The following ACSL6 variants were observed in gnomAD, a reference collection of about 807,000 sequenced individuals.
ACSL6 encodes acyl-CoA synthetase long chain family member 6.
ACSL6 carries 47 observed loss-of-function variants against 98.2 expected under a neutral mutation model. The ratio of observed to expected loss-of-function variants is 0.48; its 90% CI spans 0.38 to 0.61. The LOEUF (loss-of-function observed/expected upper bound fraction) is 0.61. Ranked by LOEUF, ACSL6 falls within the 20% of genes least tolerant of loss-of-function variation. ACSL6 has a pLI of 0.00. For synonymous variants in ACSL6, 362 were observed against 336.9 expected (o/e 1.07, Z -0.82); for missense variants, 761 against 913.4 (o/e 0.83, Z 2.15).
chr5:131,986,945 G>A (rs10059315), intron 7 of ACSL6, 91 bp from the exon 8 acceptor site: 56,754 of 1,313,502 alleles, frequency 0.043, 4,037 homozygotes, highest in African/African-American at 0.32. Context: ...TCTCACACAC[G>A]CACATACACA....
intron 1 of ACSL6, among the ~76,000 whole-genome samples, chr5:132,002,718 G>C (rs1397154779): frequency 6.6e-6 from 1 of 152,188 alleles, no homozygotes; most frequent in Non-Finnish European, 1.5e-5. Context: ...GGACAGAAGT[G>C]GGTTGGTAAG....
At chr5:131,956,703 T>TC (rs2149680155) in intron 20 of ACSL6, among the ~76,000 whole-genome samples, 1 of 152,370 alleles carries the variant, frequency 6.6e-6, no homozygotes, top group African/African-American at 2.4e-5. Context: ...TAGTTTTTTT[T>TC]AGAAGTGAAT....
chr5:131,960,774 A>T, intron 18 of ACSL6, 153 bp from the exon 19 acceptor site: 1 of 579,780 alleles, frequency 1.7e-6, no homozygotes, highest in Admixed American at 3.4e-5. Flanking sequence ...CTTTCTGCCA[A>T]TATATCATAC....
chr5:132,004,773 C>T (rs1237245407), intron 1 of ACSL6, among the ~76,000 whole-genome samples: 3 of 152,146 alleles, frequency 2.0e-5, no homozygotes, highest in African/African-American at 7.2e-5. Flanking sequence ...GGGGGAAGGC[C>T]CAACCTCCAT....
intron 1 of ACSL6, among the ~76,000 whole-genome samples, chr5:132,010,079 A>G (rs1561817291): frequency 6.6e-6 from 1 of 152,164 alleles, no homozygotes; most frequent in African/African-American, 2.4e-5. Context: ...CTCCAACCCC[A>G]GCTCTAGCCC....
At chr5:131,956,741 TATA>T (rs1752428371) in intron 20 of ACSL6, among the ~76,000 whole-genome samples, 1 of 152,216 alleles carries the variant, frequency 6.6e-6, no homozygotes, top group Non-Finnish European at 1.5e-5. Flanking sequence ...GTTCATTTTT[TATA>T]ATAATTATTT....
rs1290766355 is a variant in ACSL6 at position 131,950,868 on chromosome 5, C to G, written c.*3366G>C. On this transcript the variant is annotated 3_prime_UTR_variant, in exon 21 of 21. Coordinates refer to ENST00000651883, the MANE Select transcript of ACSL6 (RefSeq NM_001009185.3). ...ATGGAAAGTTCTATTTTTTCTCATA[C>G]TTGTAGTTTTAACTACATGTAGAAT... The G allele has an allele frequency of 5.3e-6, 1 of 188,480 alleles. No individual in the cohort carries two copies. The highest frequency in any genetic ancestry group is 1.1e-5 in the Non-Finnish European group (1 of 89,620). 11.7% of individuals were successfully genotyped at this position (188,480 alleles called of 1,614,324 possible).
intron 5 of ACSL6, 128 bp downstream of exon 5, chr5:131,989,279 G>T: frequency 1.1e-6 from 1 of 893,426 alleles, no homozygotes; most frequent in Non-Finnish European, 1.7e-6. Context: ...GAGGAGTGGT[G>T]GCATAGCCCA....
At chr5:131,991,118 A>C (rs906158144) in intron 2 of ACSL6, 151 bp from the exon 3 acceptor site, 51 of 663,662 alleles carry the variant, frequency 7.7e-5, no homozygotes, top group Non-Finnish European at 1.2e-4. Context: ...GTACACATGG[A>C]CTACACACAC....
In ACSL6 at chr5:132,004,647, G is replaced by A. The variant is rs115130787; in HGVS notation, c.49+6858C>T. On this transcript the variant is annotated intron_variant, in intron 1 of 20. Transcript: ENST00000651883. ...GCAGAAGCAGGAGACAGAGGAGACA[G>A]GACACTTCAGAATGACCTAGAAAAG... Among the ~76,000 whole-genome samples the A allele has an allele frequency of 3.1e-3, 477 of 152,286 alleles. 4 individuals are homozygous for A. Among genetic ancestry groups the A allele is most frequent in the African/African-American group, 0.011 (455 of 41,548 alleles).
At chr5:132,012,050 T>A, upstream of ACSL6, 1 of 1,294,330 alleles carries the variant, frequency 7.7e-7, no homozygotes, top group Non-Finnish European at 1.0e-6. Flanking sequence ...CTGGGTTTTA[T>A]GGCTGGGCAG....
intron 10 of ACSL6, chr5:131,975,213 C>T (rs1020011085): frequency 1.8e-5 from 25 of 1,369,548 alleles, no homozygotes; most frequent in Non-Finnish European, 2.1e-5. Context: ...GCATAGGAAG[C>T]GGAGTGTTAG....
rs377717402 is a variant in ACSL6 at position 131,997,653 on chromosome 5, C to A, written c.50-3402G>T. ...TCAAGAACTCACCATCTTCTCCTGG[C>A]TGAGTCCTTCTCCTCCTACCTGGGG... On this transcript the variant is annotated intron_variant, in intron 1 of 20. Transcript: ENST00000651883. 2.4e-4 allele frequency among the ~76,000 whole-genome samples: 37 copies of A among 152,364 alleles called. 2 individuals carry two copies. The South Asian group carries it at 7.0e-3, about 29-fold the overall frequency.
intron 1 of ACSL6, among the ~76,000 whole-genome samples, chr5:132,008,353 G>A (rs1034367011): frequency 1.3e-5 from 2 of 152,214 alleles, no homozygotes; most frequent in Admixed American, 1.3e-4. Context: ...GGCATCTATA[G>A]CCAGGAGCAT....
In ACSL6 at chr5:131,985,412, G is replaced by A. The variant is rs763258364; in HGVS notation, c.911C>T (p.Thr304Met). The A allele has an allele frequency of 6.2e-6, 10 of 1,613,934 alleles. No individual in the cohort carries two copies. The highest frequency in any genetic ancestry group is 8.5e-6 in the Non-Finnish European group (10 of 1,180,030). Residue 304 changes from threonine (T) to methionine (M), a missense_variant, in exon 9 of 21, where the codon ACG becomes ATG. Physicochemically the swap from Thr to Met is moderately conservative, Grantham distance 81. Transcript: ENST00000651883. ...DLSIVCFTSG[T>M]TGNPKGAMLT... ...ATCTGCGTGCCTCTGCTTACCTGTC[G>A]TGCCGCTTGTGAAACACACAATGGA...
At chr5:132,010,028 C>T (rs1042143477) in intron 1 of ACSL6, among the ~76,000 whole-genome samples, 12 of 152,162 alleles carry the variant, frequency 7.9e-5, no homozygotes, top group African/African-American at 2.4e-4. Context: ...GTGGCTGTTA[C>T]GACCACCATC....
chr5:132,011,376 T>C lies in ACSL6; in HGVS notation c.49+129A>G, dbSNP rs1755717686. 2 of 1,058,218 alleles carry C rather than the reference T, an allele frequency of 1.9e-6. No homozygotes were observed. The highest frequency in any genetic ancestry group is 5.5e-5 in the East Asian group (2 of 36,418). The allele number at this position is 1,058,218 out of a possible 1,614,324, so 65.6% of individuals were successfully genotyped here. A position where few individuals can be genotyped will look rare whatever the true frequency, so the allele number is the denominator to read the frequency against. On this transcript the variant is annotated intron_variant, in intron 1 of 20. Coordinates refer to ENST00000651883, the MANE Select transcript of ACSL6 (RefSeq NM_001009185.3). The surrounding 1 kb of genome is among the most constrained non-coding windows in gnomAD (Gnocchi z 5.4). ...TGTACTTAGGCGGCCCTGGGGACCTTGACGGGACAGCTCAGCAGCAGGGGA... is the reference window on the plus strand; with the variant it reads ...TGTACTTAGGCGGCCCTGGGGACCTCGACGGGACAGCTCAGCAGCAGGGGA...
Position 131,973,159 on chromosome 5 carries a change from G to A in ACSL6, c.1203+107C>T, listed in dbSNP as rs145095894. On this transcript the variant is annotated intron_variant, in intron 12 of 20. Coordinates refer to ENST00000651883, the MANE Select transcript of ACSL6 (RefSeq NM_001009185.3). Reference sequence around the variant, plus strand: ...ACTACAAGAGAGGAGGCAAGTTCCAGGACTTGGCAGTGGAGGCACTGAAAG... The same window carrying A: ...ACTACAAGAGAGGAGGCAAGTTCCAAGACTTGGCAGTGGAGGCACTGAAAG... 294 of 1,427,674 alleles carry A rather than the reference G, an allele frequency of 2.1e-4. No homozygotes were observed. The African/African-American group carries it at 3.7e-3, about 18-fold the overall frequency. 88.4% of individuals were successfully genotyped at this position (1,427,674 alleles called of 1,614,324 possible). A position where few individuals can be genotyped will look rare whatever the true frequency, so the allele number is the denominator to read the frequency against.
intron 1 of ACSL6, among the ~76,000 whole-genome samples, chr5:131,997,984 C>A (rs896875097): frequency 2.6e-5 from 4 of 152,224 alleles, no homozygotes; most frequent in Non-Finnish European, 5.9e-5. Context: ...AGCCACCAAG[C>A]CTTTGACATG....
Sources: allele counts gnomAD v4.1 joint callset (sites outside exome capture counted in the v4.1 genomes callset), GRCh38; gene constraint gnomAD v4.1.1; non-coding constraint Gnocchi (gnomAD v3.1); transcripts MANE v1.5; gene names NCBI Gene and HGNC (gene_info 2026-07-23, HGNC 2026-07-21).